The following TENM3 variants were observed in gnomAD, a reference collection of about 807,000 sequenced individuals.
TENM3 encodes teneurin-3.
TENM3 carries 63 observed loss-of-function variants against 255.1 expected under a neutral mutation model. The observed-to-expected ratio is 0.25, with a 90% CI of 0.20 to 0.30. The LOEUF is 0.30. TENM3 is among the 10% of genes least tolerant of loss of function. The pLI is 1.00. For synonymous variants in TENM3, 1,306 were observed against 1,322.3 expected (o/e 0.99, Z 0.27); for missense variants, 2,929 against 3,461.1 (o/e 0.85, Z 3.86).
chr4:182,032,375 C>T, the TENM3 span, among the ~76,000 whole-genome samples: 390 of 152,216 alleles, frequency 2.6e-3, 4 homozygotes, highest in Non-Finnish European at 2.3e-3. Flanking sequence ...ATATGTTGAA[C>T]GATCCTTTCA....
chr4:181,481,113 TAG>T, the TENM3 span, among the ~76,000 whole-genome samples: 1 of 122,062 alleles, frequency 8.2e-6, no homozygotes, highest in Admixed American at 9.1e-5. Flanking sequence ...AAGAATTTTG[TAG>T]AGTTTTATAA....
At chr4:182,621,031 A>G (rs73008922) in intron 4 of TENM3, among the ~76,000 whole-genome samples, 14,784 of 152,096 alleles carry the variant, frequency 0.097, 1,815 homozygotes, top group African/African-American at 0.29. Context: ...AACACAAAAA[A>G]TTAGCAGGAC....
intron 1 of TENM3, among the ~76,000 whole-genome samples, chr4:182,309,302 T>A (rs1268214404): frequency 2.6e-5 from 4 of 152,204 alleles, no homozygotes; most frequent in African/African-American, 4.8e-5. Flanking sequence ...GGTTTGCTGC[T>A]TTTCAGACTA....
At chr4:182,186,485 G>A (rs569921985) in intron 1 of TENM3, among the ~76,000 whole-genome samples, 1 of 151,720 alleles carries the variant, frequency 6.6e-6, no homozygotes, top group East Asian at 1.9e-4. Flanking sequence ...TTTAATAATA[G>A]AAGATAATTT....
the TENM3 span, among the ~76,000 whole-genome samples, chr4:181,690,658 A>T: frequency 2.6e-5 from 4 of 152,226 alleles, no homozygotes; most frequent in Non-Finnish European, 4.4e-5. Context: ...GATAAAAAAA[A>T]AAATTCCCTG....
At chr4:181,946,714 A>G in the TENM3 span, among the ~76,000 whole-genome samples, 1 of 152,354 alleles carries the variant, frequency 6.6e-6, no homozygotes, top group Non-Finnish European at 1.5e-5. Flanking sequence ...AAGAGAAAAA[A>G]GAATGAATAG....
At chr4:181,673,900 T>C in the TENM3 span, among the ~76,000 whole-genome samples, 1 of 151,200 alleles carries the variant, frequency 6.6e-6, no homozygotes, top group Admixed American at 6.6e-5. Context: ...GTTTTAGAAT[T>C]ATGGCAAAGA....
At chr4:181,605,584 G>GGAAAGAAAGAAAGAAA in the TENM3 span, among the ~76,000 whole-genome samples, 36 of 69,186 alleles carry the variant, frequency 5.2e-4, 3 homozygotes, top group African/African-American at 2.1e-3. Context: ...GAGAAAGAAA[G>GGAAAGAAAGAAAGAAA]GAAAGAAAGA....
chr4:181,525,395 TCAAAAAAAAAAA>T, the TENM3 span, among the ~76,000 whole-genome samples: 1 of 63,512 alleles, frequency 1.6e-5, no homozygotes, highest in Non-Finnish European at 3.0e-5. Context: ...AGACCCTGTT[TCAAAAAAAAAAA>T]AAAAAAAAAA....
At chr4:182,266,069 G>A (rs984325563) in intron 1 of TENM3, among the ~76,000 whole-genome samples, 6 of 152,106 alleles carry the variant, frequency 3.9e-5, no homozygotes, top group African/African-American at 1.4e-4. Flanking sequence ...AGTTAGCCAC[G>A]CCCCCTAGCT....
the TENM3 span, among the ~76,000 whole-genome samples, chr4:181,754,805 C>T: frequency 6.6e-6 from 1 of 152,146 alleles, no homozygotes; most frequent in East Asian, 1.9e-4. Context: ...TCATAGCAAT[C>T]CATGTCTGAC....
the TENM3 span, among the ~76,000 whole-genome samples, chr4:181,697,339 G>A: frequency 6.6e-6 from 1 of 152,182 alleles, no homozygotes; most frequent in South Asian, 2.1e-4. Flanking sequence ...GTAGATGCAG[G>A]AAGTGCATCA....
rs1370094600 is a variant in TENM3, at chr4:182,789,308, A to C, written c.5520A>C (p.Lys1840Asn). 4 of 1,613,806 alleles carry C rather than the reference A, an allele frequency of 2.5e-6. No homozygotes were observed. The highest frequency in any genetic ancestry group is 3.4e-6 in the Non-Finnish European group (4 of 1,179,886). Residue 1840 changes from lysine to asparagine, a missense_variant, in exon 25 of 28, where the codon AAA becomes AAC. Lys to Asn is a moderately conservative substitution (Grantham distance 94). Around this residue, in one of 6 missense-constraint regions of TENM3, gnomAD observed 303 missense variants for 425.2 expected, o/e 0.71. Transcript: ENST00000511685. The surrounding 1 kb of genome is among the most constrained non-coding windows in gnomAD (Gnocchi z 4.4). ...ASIQRGTTSE[K>N]VDYDGQGRIV... ...TCCAGCGAGGCACCACTAGCGAGAA[A>C]GTAGATTATGACGGACAGGGGAGGA...
the TENM3 span, among the ~76,000 whole-genome samples, chr4:181,508,107 T>C: frequency 6.6e-6 from 1 of 152,188 alleles, no homozygotes. Flanking sequence ...CCGCATCTCC[T>C]CCGTGACTGC....
At chr4:181,981,375 A>C in the TENM3 span, among the ~76,000 whole-genome samples, 1 of 152,158 alleles carries the variant, frequency 6.6e-6, no homozygotes, top group Admixed American at 6.5e-5. Context: ...GGACTTGAAG[A>C]CTTATAGAAT....
chr4:181,560,400 G>A, the TENM3 span, among the ~76,000 whole-genome samples: 1 of 152,192 alleles, frequency 6.6e-6, no homozygotes, highest in Non-Finnish European at 1.5e-5. Flanking sequence ...TCTAACACAG[G>A]TATTGGGCTA....
the TENM3 span, among the ~76,000 whole-genome samples, chr4:181,651,753 G>A: frequency 1.3e-5 from 2 of 152,082 alleles, no homozygotes; most frequent in Non-Finnish European, 2.9e-5. Flanking sequence ...GGATTATGCT[G>A]GTGTTGTGTC....
chr4:182,489,759 TC>T (rs772803694), intron 3 of TENM3, among the ~76,000 whole-genome samples: 45 of 151,988 alleles, frequency 3.0e-4, no homozygotes, highest in Admixed American at 9.2e-4. Flanking sequence ...TCTTCCTTAC[TC>T]CTTCCCTTCC....
At chr4:182,403,174 G>C (rs1470839609) in intron 3 of TENM3, among the ~76,000 whole-genome samples, 1 of 152,184 alleles carries the variant, frequency 6.6e-6, no homozygotes, top group Non-Finnish European at 1.5e-5. Context: ...TCAGTCAAGT[G>C]AAATGTGCTG....
Sources: gnomAD v4.1 joint callset for allele counts (sites outside exome capture counted in the v4.1 genomes callset) on GRCh38, gnomAD v4.1.1 for gene constraint, gnomAD v4.1.1 regional missense constraint, Gnocchi (gnomAD v3.1) non-coding constraint, MANE v1.5 for transcripts, NCBI Gene and HGNC (gene_info 2026-07-23, HGNC 2026-07-21) for gene names.